C3orf20: variants seen among roughly 807,000 people sequenced by gnomAD.
C3orf20 encodes the protein uncharacterized protein C3orf20.
A neutral mutation model predicts 88.3 loss-of-function variants in C3orf20; 76 were observed. The ratio of observed to expected loss-of-function variants is 0.86; its 90% confidence interval spans 0.72 to 1.04. The LOEUF is 1.04. C3orf20 is among the 50% of genes least tolerant of loss of function. The pLI, the probability that C3orf20 is intolerant of heterozygous loss-of-function variation, is 0.00. For synonymous variants in C3orf20, 436 were observed against 437.4 expected (o/e 1.00, Z 0.04); for missense variants, 1,056 against 1,123.3 (o/e 0.94, Z 0.86).
intron 12 of C3orf20, among the ~76,000 whole-genome samples, chr3:14,749,075 GC>G (rs1227305827): frequency 1.3e-5 from 2 of 152,088 alleles, no homozygotes; most frequent in Non-Finnish European, 2.9e-5. Context: ...CTATAGAATT[GC>G]CTATTTCTTC....
chr3:14,742,763 T>C (rs948065903), intron 12 of C3orf20, among the ~76,000 whole-genome samples: 1 of 152,170 alleles, frequency 6.6e-6, no homozygotes, highest in Non-Finnish European at 1.5e-5. Flanking sequence ...AGAATCATGG[T>C]GGGAGGCTAA....
At chr3:14,715,176 C>G in intron 8 of C3orf20, 113 bp from the exon 9 acceptor site, 6 of 1,352,068 alleles carry the variant, frequency 4.4e-6, no homozygotes, top group Non-Finnish European at 6.0e-6. Context: ...CAGGACTCCA[C>G]CACTCCTCCA....
chr3:14,678,204 T>C (rs1186358250), intron 1 of C3orf20, among the ~76,000 whole-genome samples: 1 of 152,188 alleles, frequency 6.6e-6, no homozygotes, highest in African/African-American at 2.4e-5. Context: ...TTACTGAGCA[T>C]TCAACTCTGT....
chr3:14,752,178 C>G (rs937039566), intron 12 of C3orf20, among the ~76,000 whole-genome samples: 3 of 152,182 alleles, frequency 2.0e-5, no homozygotes, highest in African/African-American at 7.2e-5. Flanking sequence ...AATAACACCA[C>G]ACATCTACAA....
At chr3:14,722,205 A>G (rs1444092818) in intron 10 of C3orf20, 1 of 292,892 alleles carries the variant, frequency 3.4e-6, no homozygotes, top group African/African-American at 2.2e-5. Flanking sequence ...GACCATGAAC[A>G]TCTCTGGGCT....
intron 12 of C3orf20, among the ~76,000 whole-genome samples, chr3:14,735,543 T>A (rs2034677821): frequency 6.6e-6 from 1 of 152,156 alleles, no homozygotes; most frequent in Non-Finnish European, 1.5e-5. Flanking sequence ...ATTGTTGTCA[T>A]GTGTTTTAAT....
intron 12 of C3orf20, among the ~76,000 whole-genome samples, chr3:14,741,694 A>AGGTGTTACAGCTCTGGC (rs1347420289): frequency 6.6e-5 from 10 of 152,186 alleles, no homozygotes; most frequent in Admixed American, 1.3e-4. Flanking sequence ...TTTACTGAAG[A>AGGTGTTACAGCTCTGGC]GGTGTTACAG....
chr3:14,765,858 C>T (rs189165096), intron 15 of C3orf20, among the ~76,000 whole-genome samples: 62 of 152,340 alleles, frequency 4.1e-4, no homozygotes, highest in Middle Eastern at 6.8e-3. Flanking sequence ...AAGAGGAACC[C>T]ACAAAGGAGT....
chr3:14,690,176 G>A lies in C3orf20; in HGVS notation c.745+60G>A, dbSNP rs962969799. 2.5e-5 allele frequency: 40 copies of A among 1,609,360 alleles called. No homozygotes were observed. The East Asian group carries it at 8.9e-4, about 36-fold the overall frequency. Reference sequence around the variant, plus strand: ...GTGGTGGCGGTGGGGTGGGGGATAGGTTTCCGTCTACCCTGTGTAGGTTGG... The same window carrying A: ...GTGGTGGCGGTGGGGTGGGGGATAGATTTCCGTCTACCCTGTGTAGGTTGG... On this transcript the variant is annotated intron_variant, in intron 5 of 16. Transcript: ENST00000253697.
chr3:14,722,879 C>T (rs1345903136), intron 10 of C3orf20, among the ~76,000 whole-genome samples: 2 of 152,280 alleles, frequency 1.3e-5, no homozygotes, highest in African/African-American at 4.8e-5. Flanking sequence ...TAAGAGGACA[C>T]AGTCCCTACA....
chr3:14,725,128 C>T (rs1358657564), intron 10 of C3orf20, among the ~76,000 whole-genome samples: 1 of 152,194 alleles, frequency 6.6e-6, no homozygotes, highest in East Asian at 1.9e-4. Context: ...TAAACAGAAA[C>T]AATGAGTAAA....
At chr3:14,754,845 C>T (rs2035316421) in intron 12 of C3orf20, among the ~76,000 whole-genome samples, 1 of 152,144 alleles carries the variant, frequency 6.6e-6, no homozygotes, top group Non-Finnish European at 1.5e-5. Context: ...CCACCTCAGC[C>T]TCCCAAGAAA....
intron 15 of C3orf20, chr3:14,764,893 G>A (rs1214268435): frequency 4.6e-5 from 7 of 152,372 alleles, no homozygotes; most frequent in Non-Finnish European, 8.8e-5. Flanking sequence ...ATTCAAGGTC[G>A]GGGGGAATTA....
At chr3:14,684,421 A>G (rs749057764) in intron 4 of C3orf20, 39 bp downstream of exon 4, 4 of 1,601,278 alleles carry the variant, frequency 2.5e-6, no homozygotes, top group East Asian at 4.5e-5. Context: ...AAGAAGTGCA[A>G]ACAATATCAG....
In C3orf20 at chr3:14,682,897, A is replaced by T; in HGVS notation, c.184A>T (p.Thr62Ser). 1 of 1,613,998 alleles carries T rather than the reference A, an allele frequency of 6.2e-7. No individual in the cohort carries two copies. The highest frequency in any genetic ancestry group is 2.2e-5 in the East Asian group (1 of 44,866). ...EELISDPSVP[T>S]PSDILGLEVS... ...GCTCATCAGTGACCCTTCAGTGCCT[A>T]CCCCGTCCGACATCTTGGGCCTGGA... is the stretch of plus-strand genomic sequence containing the variant. Residue 62 changes from threonine to serine, a missense_variant, in exon 3 of 17, where the codon ACC becomes TCC. Physicochemically the swap from Thr to Ser is moderately conservative, Grantham distance 58. Coordinates refer to ENST00000253697, the MANE Select transcript of C3orf20 (RefSeq NM_032137.5).
At chr3:14,679,781 A>G (rs139798379) in intron 1 of C3orf20, among the ~76,000 whole-genome samples, 1 of 152,224 alleles carries the variant, frequency 6.6e-6, no homozygotes, top group Non-Finnish European at 1.5e-5. Flanking sequence ...TTTGGAAGAG[A>G]TGTAAATATA....
chr3:14,751,463 C>T (rs2035217202), intron 12 of C3orf20, among the ~76,000 whole-genome samples: 1 of 152,182 alleles, frequency 6.6e-6, no homozygotes, highest in Non-Finnish European at 1.5e-5. Flanking sequence ...TTTCCCTTTC[C>T]TAGCCAAGGG....
At chr3:14,758,545 G>A (rs2035458481) in intron 13 of C3orf20, among the ~76,000 whole-genome samples, 1 of 152,212 alleles carries the variant, frequency 6.6e-6, no homozygotes, top group East Asian at 1.9e-4. Flanking sequence ...TGGCACATGA[G>A]CACATGAGCT....
Position 14,689,910 on chromosome 3 carries a change from C to G in C3orf20, c.626-87C>G, listed in dbSNP as rs745312944. ...TTACAGTATGTGACCCACCGTACTACTAGAACAAGAAATCCATGTTACATT... is the reference window on the plus strand; with the variant it reads ...TTACAGTATGTGACCCACCGTACTAGTAGAACAAGAAATCCATGTTACATT... On this transcript the variant is annotated intron_variant, in intron 4 of 16. Transcript: ENST00000253697. 4 of 1,576,758 alleles carry G rather than the reference C, an allele frequency of 2.5e-6. No homozygotes were observed. In the East Asian group the frequency reaches 6.7e-5, roughly 27 times the overall value.
Sources: allele counts gnomAD v4.1 joint callset (sites outside exome capture counted in the v4.1 genomes callset), GRCh38; gene constraint gnomAD v4.1.1; transcripts MANE v1.5; gene names NCBI Gene and HGNC (gene_info 2026-07-23, HGNC 2026-07-21).